Variants in DIP2C observed in about 807,000 individuals in gnomAD.
DIP2C encodes the protein disco-interacting protein 2 homolog C.
Under a neutral mutation model 192.4 loss-of-function variants are expected in DIP2C, and 33 were observed. The ratio of observed to expected loss-of-function variants is 0.17; its 90% CI spans 0.13 to 0.23. The LOEUF is 0.23. Among genes scored for constraint, DIP2C ranks in the 10% least tolerant of loss-of-function variants. DIP2C has a pLI of 1.00. For missense variants in DIP2C, 1,537 were observed against 2,110.1 expected, an observed-to-expected ratio of 0.73 and a Z score of 5.32; for synonymous variants, 979 against 864.1, an observed-to-expected ratio of 1.13 and a Z score of -2.33.
At chr10:442,807 A>G (rs565464289) in intron 3 of DIP2C, among the ~76,000 whole-genome samples, 446 of 152,376 alleles carry the variant, frequency 2.9e-3, no homozygotes, top group Non-Finnish European at 5.4e-3. Context: ...TACAAAGTTC[A>G]CATTCAAATG....
chr10:541,833 T>A (rs1007321287), intron 1 of DIP2C, among the ~76,000 whole-genome samples: 2 of 152,150 alleles, frequency 1.3e-5, no homozygotes, highest in Non-Finnish European at 2.9e-5. Context: ...ACCCTCCACC[T>A]GACTGCACCC....
intron 19 of DIP2C, 93 bp downstream of exon 19, chr10:366,182 C>A (rs1303978694): frequency 1.3e-5 from 20 of 1,523,522 alleles, no homozygotes; most frequent in Non-Finnish European, 1.7e-5. Context: ...TAAAATGGAT[C>A]TTACATTCCA....
chr10:579,660 CCA>C (rs1000661729), intron 1 of DIP2C, among the ~76,000 whole-genome samples: 4 of 152,002 alleles, frequency 2.6e-5, no homozygotes, highest in Admixed American at 2.6e-4. Flanking sequence ...ACATCCAGAT[CCA>C]TAGTGTATGT....
intron 1 of DIP2C, among the ~76,000 whole-genome samples, chr10:599,083 C>T (rs1000053299): frequency 6.6e-6 from 1 of 152,174 alleles, no homozygotes; most frequent in Non-Finnish European, 1.5e-5. Flanking sequence ...ACAAAACAGG[C>T]TCCAGAAGCC....
chr10:348,952 C>G (rs540913216), intron 25 of DIP2C, among the ~76,000 whole-genome samples, 190 bp from the exon 26 acceptor site: 1 of 152,200 alleles, frequency 6.6e-6, no homozygotes, highest in Non-Finnish European at 1.5e-5. Context: ...TCCTTTCAGA[C>G]ATGAGGTGAC....
At chr10:526,486 C>CA in intron 1 of DIP2C, among the ~76,000 whole-genome samples, 1 of 150,592 alleles carries the variant, frequency 6.6e-6, no homozygotes, top group Admixed American at 6.6e-5. Flanking sequence ...CCAGCTGTGT[C>CA]ACCGTATCCG....
chr10:584,946 AATCTC>A, intron 1 of DIP2C, among the ~76,000 whole-genome samples: 1 of 98,198 alleles, frequency 1.0e-5, no homozygotes, highest in East Asian at 3.6e-4. Flanking sequence ...ATCACCTCTC[AATCTC>A]GGGGCCCGCG....
At chr10:578,785 G>A (rs759647660) in intron 1 of DIP2C, among the ~76,000 whole-genome samples, 1 of 143,090 alleles carries the variant, frequency 7.0e-6, no homozygotes, top group African/African-American at 3.0e-5. Context: ...TAGTGTACAA[G>A]CATAAGTGCA....
chr10:290,180 A>G (rs914310143), intron 32 of DIP2C, among the ~76,000 whole-genome samples: 1 of 152,214 alleles, frequency 6.6e-6, no homozygotes, highest in Admixed American at 6.5e-5. Context: ...GATGACAACC[A>G]TTAACTCTGT....
chr10:618,580 T>C (rs1853625856), intron 1 of DIP2C, among the ~76,000 whole-genome samples: 1 of 85,574 alleles, frequency 1.2e-5, no homozygotes, highest in Non-Finnish European at 2.2e-5. Flanking sequence ...AAGCTCCATG[T>C]ATGAATTTAG....
At chr10:567,496 C>T (rs928524852) in intron 1 of DIP2C, among the ~76,000 whole-genome samples, 1 of 152,102 alleles carries the variant, frequency 6.6e-6, no homozygotes, top group Non-Finnish European at 1.5e-5. Flanking sequence ...CCAGCCACAA[C>T]ACAACTGAAA....
chr10:670,305 CACAT>C (rs1356624532), intron 1 of DIP2C, among the ~76,000 whole-genome samples: 2 of 152,066 alleles, frequency 1.3e-5, no homozygotes, highest in East Asian at 3.8e-4. Flanking sequence ...CACACATACG[CACAT>C]ACATGCATAT....
chr10:665,104 A>G (rs1857004712), intron 1 of DIP2C: 1 of 152,208 alleles, frequency 6.6e-6, no homozygotes, highest in African/African-American at 2.4e-5. Flanking sequence ...AACAAAACAA[A>G]ACAAAAACAG....
At chr10:620,201 A>C (rs1166299379) in intron 1 of DIP2C, among the ~76,000 whole-genome samples, 1 of 152,098 alleles carries the variant, frequency 6.6e-6, no homozygotes, top group East Asian at 1.9e-4. Context: ...TGCTTTATTC[A>C]ATTTTTATGG....
chr10:604,634 A>G (rs188905053), intron 1 of DIP2C, among the ~76,000 whole-genome samples: 1 of 152,396 alleles, frequency 6.6e-6, no homozygotes, highest in East Asian at 1.9e-4. Context: ...ATCTTATTAC[A>G]AAACAGCTTC....
intron 23 of DIP2C, 55 bp from the exon 24 acceptor site, chr10:356,561 G>GGTTGGATCA: frequency 6.7e-7 from 1 of 1,495,694 alleles, no homozygotes; most frequent in Non-Finnish European, 9.1e-7. Context: ...CAGGCTGTGC[G>GGTTGGATCA]GGCTGAGGTG....
intron 1 of DIP2C, among the ~76,000 whole-genome samples, chr10:502,272 T>TA (rs1845289647): frequency 6.6e-6 from 1 of 152,226 alleles, no homozygotes; most frequent in African/African-American, 2.4e-5. Context: ...ACACAGGAAC[T>TA]AAACCTACAT....
chr10:368,844 G>A (rs755110884), intron 18 of DIP2C, among the ~76,000 whole-genome samples: 4 of 152,222 alleles, frequency 2.6e-5, no homozygotes, highest in Non-Finnish European at 5.9e-5. Flanking sequence ...TTCCCTTTCT[G>A]GGGCCAAACA....
chr10:368,741 G>C (rs1486985372), intron 18 of DIP2C, among the ~76,000 whole-genome samples: 1 of 152,224 alleles, frequency 6.6e-6, no homozygotes, highest in Non-Finnish European at 1.5e-5. Context: ...GCACAGGCAT[G>C]GCTACCCTGC....
Sources: allele counts gnomAD v4.1 joint callset (sites outside exome capture counted in the v4.1 genomes callset), GRCh38; gene constraint gnomAD v4.1.1; transcripts MANE v1.5; gene names NCBI Gene and HGNC (gene_info 2026-07-23, HGNC 2026-07-21).